TOGARAM2: variants seen among roughly 807,000 people sequenced by gnomAD.
TOGARAM2 encodes the protein TOG array regulator of axonemal microtubules 2, also known as TOG array regulator of axonemal microtubules protein 2.
A neutral mutation model predicts 93.3 loss-of-function variants in TOGARAM2; 85 were observed. The observed-to-expected ratio is 0.91, with a 90% CI of 0.76 to 1.09. TOGARAM2 has a LOEUF of 1.09. Ranked by LOEUF, TOGARAM2 falls within the 50% of genes least tolerant of loss-of-function variation. The pLI is 0.00. For missense variants in TOGARAM2, 1,277 were observed against 1,334.5 expected (o/e 0.96, Z 0.67); for synonymous variants, 593 against 552.8 (o/e 1.07, Z -1.02).
At chr2:29,045,677 A>G (rs1431059836) in intron 19 of TOGARAM2, 17 of 448,782 alleles carry the variant, frequency 3.8e-5, no homozygotes, top group Non-Finnish European at 3.6e-5. Context: ...TAATCAGAAA[A>G]TTAGAAATGC....
At chr2:29,004,081 C>T (rs766109412) in intron 6 of TOGARAM2, among the ~76,000 whole-genome samples, 5 of 152,156 alleles carry the variant, frequency 3.3e-5, no homozygotes, top group Non-Finnish European at 7.4e-5. Flanking sequence ...CTGCAACCTC[C>T]GCCTCCCGGG....
rs558277327 is a variant in TOGARAM2, at chr2:28,984,368, G to A, written c.-111+2830G>A. Reference sequence around the variant, plus strand: ...AAAGTCGGCTTTCTCATGGGCCATTGGGAAGGGACAGGGCCGGGGTCTGAA... The same window carrying A: ...AAAGTCGGCTTTCTCATGGGCCATTAGGAAGGGACAGGGCCGGGGTCTGAA... On this transcript the variant is annotated intron_variant, in intron 1 of 19. Transcript: ENST00000379558. Among the ~76,000 whole-genome samples the A allele has an allele frequency of 1.8e-4, 27 of 152,262 alleles. No homozygotes were observed. In the South Asian group the frequency reaches 5.2e-3, roughly 29 times the overall value.
intron 13 of TOGARAM2, 35 bp from the exon 14 acceptor site, chr2:29,026,818 C>T (rs773902299): frequency 6.5e-7 from 1 of 1,542,656 alleles, no homozygotes; most frequent in Non-Finnish European, 8.8e-7. Flanking sequence ...CACCACTATC[C>T]TGAGACTGAC....
At chr2:29,044,454 G>A (rs767810539) in intron 18 of TOGARAM2, among the ~76,000 whole-genome samples, 3 of 152,076 alleles carry the variant, frequency 2.0e-5, no homozygotes, top group African/African-American at 4.8e-5. Context: ...AGAGCCAGCC[G>A]GGTGCTTCTG....
intron 6 of TOGARAM2, among the ~76,000 whole-genome samples, chr2:29,005,589 G>T (rs972888334): frequency 3.1e-5 from 4 of 128,714 alleles, no homozygotes; most frequent in African/African-American, 1.1e-4. Context: ...GTGTGTGAGG[G>T]CATGCATGTG....
chr2:29,027,323 A>C (rs1230983471), intron 14 of TOGARAM2, among the ~76,000 whole-genome samples: 1 of 152,102 alleles, frequency 6.6e-6, no homozygotes, highest in Admixed American at 6.5e-5. Context: ...TTTTCTGGAG[A>C]TATTTAATGA....
intron 19 of TOGARAM2, chr2:29,049,166 G>A (rs1666933499): frequency 6.6e-6 from 1 of 150,922 alleles, no homozygotes; most frequent in South Asian, 2.1e-4. Flanking sequence ...CGCCTGGCCC[G>A]ATTTTTGTAG....
At chr2:29,026,738 G>T in intron 13 of TOGARAM2, 115 bp from the exon 14 acceptor site, 2 of 1,178,254 alleles carry the variant, frequency 1.7e-6, no homozygotes, top group Non-Finnish European at 2.3e-6. Flanking sequence ...AGGTATTTTT[G>T]GAGCCCCTGG....
intron 15 of TOGARAM2, 114 bp downstream of exon 15, chr2:29,033,165 A>G: frequency 3.6e-6 from 3 of 833,308 alleles, no homozygotes. Context: ...AGAGATGTTG[A>G]TTTCATCCAC....
At chr2:29,002,388 C>G in intron 4 of TOGARAM2, 148 bp from the exon 5 acceptor site, 1 of 667,898 alleles carries the variant, frequency 1.5e-6, no homozygotes, top group East Asian at 2.7e-5. Flanking sequence ...CTCAGTCTAC[C>G]AGTGGTGGGG....
intron 6 of TOGARAM2, among the ~76,000 whole-genome samples, chr2:29,005,319 G>C (rs1572681742): frequency 1.7e-5 from 2 of 118,130 alleles, no homozygotes; most frequent in Non-Finnish European, 3.8e-5. Context: ...GGGTATGTGT[G>C]CATGTGTGTG....
chr2:28,982,030 C>G (rs887653359), intron 1 of TOGARAM2, among the ~76,000 whole-genome samples: 1 of 152,148 alleles, frequency 6.6e-6, no homozygotes, highest in African/African-American at 2.4e-5. Context: ...AATTCTAACC[C>G]CCCCTCTTTC....
At chr2:29,004,438 C>T (rs1673500745) in intron 6 of TOGARAM2, among the ~76,000 whole-genome samples, 1 of 152,174 alleles carries the variant, frequency 6.6e-6, no homozygotes, top group South Asian at 2.1e-4. Flanking sequence ...CTTCATATCC[C>T]ACAAACAAGT....
At position 29,022,248 on chromosome 2, in the gene TOGARAM2, C is replaced by A. The variant is rs1426201631; in HGVS notation, c.1451C>A (p.Pro484His). 1 of 1,613,912 alleles carries A rather than the reference C, an allele frequency of 6.2e-7. No homozygotes were observed. Among genetic ancestry groups the A allele is most frequent in the Non-Finnish European group, 8.5e-7 (1 of 1,179,900 alleles). ...CTTAGAGCCTGTAAGGAGTTGAGGC[C>A]TTTCTCGAACCCGGAGCTGGGGCTG... is the stretch of plus-strand genomic sequence containing the variant. The part of the protein sequence containing the change: ...MDLRACKELR[P>H]FSNPELGLRD... The change falls in exon 11 of 20, where the codon CCT becomes CAT. Residue 484 changes from proline (P) to histidine (H), a missense_variant. Coordinates refer to ENST00000379558, the MANE Select transcript of TOGARAM2 (RefSeq NM_199280.4).
Position 29,018,755 on chromosome 2 carries a change from A to G in TOGARAM2, c.1360+799A>G, listed in dbSNP as rs116452134. On this transcript the variant is annotated intron_variant, in intron 10 of 19. Transcript: ENST00000379558. Reference sequence around the variant, plus strand: ...TTTTTTTATTTTTATTATTTTTTATAAAGAAAAGAGGTTTAATTGGTTCAT... The same window carrying G: ...TTTTTTTATTTTTATTATTTTTTATGAAGAAAAGAGGTTTAATTGGTTCAT... Among the ~76,000 whole-genome samples the G allele has an allele frequency of 9.3e-3, 1,414 of 152,140 alleles. 21 individuals carry two copies. Among genetic ancestry groups the G allele is most frequent in the African/African-American group, 0.032 (1,322 of 41,458 alleles).
chr2:29,039,905 G>T (rs180897232), intron 18 of TOGARAM2, among the ~76,000 whole-genome samples: 1 of 152,186 alleles, frequency 6.6e-6, no homozygotes, highest in Non-Finnish European at 1.5e-5. Context: ...ATCCCCTCCC[G>T]ATCAGACCTC....
rs1386640960 is a variant in TOGARAM2, at chr2:29,035,664, C to T, written c.2418+8C>T. 7.1e-7 allele frequency: 1 copy of T among 1,410,434 alleles called. No homozygotes were observed. The highest frequency in any genetic ancestry group is 1.4e-5 in the African/African-American group (1 of 69,430). 87.4% of individuals were successfully genotyped at this position (1,410,434 alleles called of 1,614,324 possible). ...ACTGCCCACCTGGTCCAGGTGAGCA[C>T]CGCTTGCTTTTACTCTCCCACCTGT... On this transcript the variant is annotated splice_region_variant and intron_variant, in intron 17 of 19. Transcript: ENST00000379558.
chr2:29,005,412 C>CGTGT (rs149236438), intron 6 of TOGARAM2, among the ~76,000 whole-genome samples: 96,582 of 140,520 alleles, frequency 0.69, 34,157 homozygotes, highest in Middle Eastern at 0.79. Flanking sequence ...TGTGTGTGTG[C>CGTGT]GTGTGTGAGA....
chr2:28,958,544 C>G lies in TOGARAM2; in HGVS notation c.-147+1847C>G, dbSNP rs147164772. 1.5e-3 allele frequency among the ~76,000 whole-genome samples: 227 copies of G among 152,248 alleles called. 2 individuals are homozygous for G. Among genetic ancestry groups the G allele is most frequent in the African/African-American group, 5.1e-3 (213 of 41,538 alleles). On this transcript the variant is annotated intron_variant, in intron 1 of 6. Transcript: ENST00000401723. ...TTTGAACTCCTGGGCTTAAGCAATC[C>G]TCCCTCCTTGGCCTCCCCAAATGCT...
Sources: gnomAD v4.1 joint callset for allele counts (sites outside exome capture counted in the v4.1 genomes callset) on GRCh38, gnomAD v4.1.1 for gene constraint, MANE v1.5 for transcripts, NCBI Gene and HGNC (gene_info 2026-07-23, HGNC 2026-07-21) for gene names.